Variants in NRP2 observed in about 807,000 individuals in gnomAD.
NRP2 encodes the protein neuropilin-2.
In NRP2, 52 loss-of-function variants were observed where a neutral mutation model predicts 110.4. The ratio of observed to expected loss-of-function variants is 0.47; its 90% CI spans 0.38 to 0.59. The LOEUF (loss-of-function observed/expected upper bound fraction) is 0.59, where lower values mean the gene tolerates loss of function less well. Ranked by LOEUF, NRP2 falls within the 20% of genes least tolerant of loss-of-function variation. The probability of loss-of-function intolerance (pLI) is 0.00; values close to 1 mark genes in which losing one functional copy is unlikely to be tolerated. For missense variants in NRP2, 1,049 were observed against 1,203.0 expected (o/e 0.87, Z 1.89); for synonymous variants, 508 against 468.9 (o/e 1.08, Z -1.08).
intron 1 of NRP2, among the ~76,000 whole-genome samples, chr2:205,687,400 T>C (rs1054017320): frequency 6.6e-6 from 1 of 150,768 alleles, no homozygotes; most frequent in African/African-American, 2.4e-5. Context: ...GCTCTAGGGA[T>C]TGGTCTCATG....
At position 205,752,866 on chromosome 2, in the gene NRP2, T is replaced by C. The variant is rs760113411; in HGVS notation, c.1935T>C (p.Asn645=). 80 of 1,614,100 alleles carry C rather than the reference T, an allele frequency of 5.0e-5. No individual in the cohort carries two copies. Among genetic ancestry groups the C allele is most frequent in the Non-Finnish European group, 6.4e-5 (76 of 1,180,046 alleles). Residue 645 remains asparagine, a synonymous_variant, in exon 12 of 17, where the codon AAT becomes AAC. Transcript: ENST00000357785. ...DKDLQLPSGF[N]CNFDFLEEPC... ...ATTTGCAGCTCCCTTCGGGATTCAA[T>C]TGCAACTTCGATTTCCTCGAGGAGC...
intron 15 of NRP2, among the ~76,000 whole-genome samples, chr2:205,787,877 C>T (rs902963264): frequency 6.6e-6 from 1 of 151,966 alleles, no homozygotes; most frequent in Non-Finnish European, 1.5e-5. Flanking sequence ...GGGGGTGTTT[C>T]CCCTGAGCAG....
At chr2:205,693,335 C>T (rs1054665218) in intron 1 of NRP2, among the ~76,000 whole-genome samples, 2 of 151,966 alleles carry the variant, frequency 1.3e-5, no homozygotes, top group Non-Finnish European at 2.9e-5. Context: ...TGGAGATGCC[C>T]CATTTAGAGG....
rs2058342721 is a variant in NRP2, at chr2:205,795,333, G to A, written c.*275G>A. ...CAAAACAGGAGCTCATCTCTTTGGG[G>A]TCACAGTTCTATTTTGTTTGTGAGT... On this transcript the variant is annotated 3_prime_UTR_variant, in exon 17 of 17. Transcript: ENST00000357785. 2.9e-6 allele frequency: 1 copy of A among 350,016 alleles called. No individual in the cohort carries two copies. The allele number at this position is 350,016 out of a possible 1,614,324, so 21.7% of individuals were successfully genotyped here.
intron 15 of NRP2, among the ~76,000 whole-genome samples, chr2:205,783,770 C>G (rs190519607): frequency 6.6e-6 from 1 of 152,352 alleles, no homozygotes; most frequent in Admixed American, 6.5e-5. Context: ...CCATTTCTAG[C>G]AAAAGCACTG....
Position 205,682,935 on chromosome 2 carries a change from T to C in NRP2, c.-356T>C, listed in dbSNP as rs1297493318. On this transcript the variant is annotated 5_prime_UTR_variant, in exon 1 of 17. Transcript: ENST00000357785. This position sits in a 1 kb window ranked among gnomAD's most constrained non-coding sequence, Gnocchi z 4.3. ...GTCTTGGTTTTAATTATTATTATTA[T>C]CATTATTGTTACGCTTGGCTTTCGG... 3.9e-6 allele frequency: 1 copy of C among 254,588 alleles called. No homozygotes were observed. Among genetic ancestry groups the C allele is most frequent in the African/African-American group, 2.3e-5 (1 of 44,344 alleles). 15.8% of individuals were successfully genotyped at this position (254,588 alleles called of 1,614,324 possible). A position where few individuals can be genotyped will look rare whatever the true frequency, so the allele number is the denominator to read the frequency against.
Position 205,691,160 on chromosome 2 carries a change from G to A in NRP2, c.74-6384G>A, listed in dbSNP as rs11886280. On this transcript the variant is annotated intron_variant, in intron 1 of 16. Coordinates refer to ENST00000357785, the MANE Select transcript of NRP2 (RefSeq NM_003872.3). The stretch of plus-strand genomic sequence containing the variant: ...GTTTGATCCTGTAAGACTTGCCAAA[G>A]ATGGATCAGCAAGGAGTCATGACCT... 3.4e-3 allele frequency among the ~76,000 whole-genome samples: 511 copies of A among 152,330 alleles called. 5 individuals are homozygous for A. Among genetic ancestry groups the A allele is most frequent in the African/African-American group, 0.012 (481 of 41,566 alleles).
chr2:205,749,624 C>T, intron 10 of NRP2, 101 bp from the exon 11 acceptor site: 1 of 922,674 alleles, frequency 1.1e-6, no homozygotes, highest in Admixed American at 1.7e-5. Context: ...CACATGTGTG[C>T]ATCTTCTTTC....
chr2:205,710,844 A>G (rs1017879912), intron 2 of NRP2, among the ~76,000 whole-genome samples: 5 of 152,220 alleles, frequency 3.3e-5, no homozygotes, highest in African/African-American at 1.2e-4. Flanking sequence ...GAGGTGATAA[A>G]TTCTCTGGCC....
chr2:205,776,859 C>A, intron 15 of NRP2: 1 of 1,249,270 alleles, frequency 8.0e-7, no homozygotes, highest in Non-Finnish European at 1.0e-6. Flanking sequence ...TGTTTTTTCC[C>A]CTTGCCTTAT....
At chr2:205,689,443 T>C (rs780285639) in intron 1 of NRP2, among the ~76,000 whole-genome samples, 30 of 152,382 alleles carry the variant, frequency 2.0e-4, no homozygotes, top group Admixed American at 7.8e-4. Context: ...AGTCACTGAA[T>C]CTTTAAAACT....
At chr2:205,718,010 C>G (rs981022268) in intron 3 of NRP2, among the ~76,000 whole-genome samples, 2 of 152,152 alleles carry the variant, frequency 1.3e-5, no homozygotes, top group Non-Finnish European at 2.9e-5. Context: ...AATGGGGGAG[C>G]AGTCAAGTGG....
intron 7 of NRP2, among the ~76,000 whole-genome samples, chr2:205,737,783 C>A (rs2057370228): frequency 6.6e-6 from 1 of 152,196 alleles, no homozygotes; most frequent in African/African-American, 2.4e-5. Flanking sequence ...TTGAAGCAGT[C>A]AGGTAGATGG....
chr2:205,789,219 G>A (rs979828746), intron 15 of NRP2, among the ~76,000 whole-genome samples: 1 of 152,144 alleles, frequency 6.6e-6, no homozygotes, highest in African/African-American at 2.4e-5. Context: ...ATGCAGACTG[G>A]GGATCCACCC....
chr2:205,734,232 CAT>C (rs904670709), intron 7 of NRP2, among the ~76,000 whole-genome samples: 10 of 152,024 alleles, frequency 6.6e-5, no homozygotes, highest in Non-Finnish European at 1.3e-4. Flanking sequence ...CACACACACA[CAT>C]GCCTCTAACT....
At chr2:205,745,438 G>A (rs2057521004) in intron 9 of NRP2, among the ~76,000 whole-genome samples, 1 of 152,176 alleles carries the variant, frequency 6.6e-6, no homozygotes. Context: ...AAACGCAGTT[G>A]GAGCCAAATT....
chr2:205,683,146 A>G lies in NRP2; in HGVS notation c.-145A>G. The G allele has an allele frequency of 1.5e-6, 1 of 655,898 alleles. No homozygotes were observed. The highest frequency in any genetic ancestry group is 2.8e-5 in the East Asian group (1 of 36,170). The allele number at this position is 655,898 out of a possible 1,614,324, so 40.6% of individuals were successfully genotyped here. On this transcript the variant is annotated 5_prime_UTR_variant, in exon 1 of 17. Transcript: ENST00000357785. ...TCCAGCAAGAATAGAGGTGAAGACA[A>G]GCCACCAGGACTCAGGAGGGAAACG...
At chr2:205,689,325 G>C (rs374547400) in intron 1 of NRP2, among the ~76,000 whole-genome samples, 1 of 152,216 alleles carries the variant, frequency 6.6e-6, no homozygotes, top group East Asian at 1.9e-4. Flanking sequence ...TATGTGCCTC[G>C]GTTTCCTTGT....
rs2057855683 is a variant in NRP2, at chr2:205,763,353, G to GA, written c.2045-319dup. On this transcript the variant is annotated intron_variant, in intron 12 of 16. Transcript: ENST00000357785. This position sits in a 1 kb window ranked among gnomAD's most constrained non-coding sequence, Gnocchi z 4.0. ...TCTGGCCTCTCAGAATCTAGAGGGA[G>GA]AAGAAGGGCACGCACACAACCAGCC... Among the ~76,000 whole-genome samples the GA allele has an allele frequency of 6.6e-6, 1 of 152,152 alleles. No individual in the cohort carries two copies. The highest frequency in any genetic ancestry group is 6.5e-5 in the Admixed American group (1 of 15,276).
Sources: allele counts gnomAD v4.1 joint callset (sites outside exome capture counted in the v4.1 genomes callset), GRCh38; gene constraint gnomAD v4.1.1; non-coding constraint Gnocchi (gnomAD v3.1); transcripts MANE v1.5; gene names NCBI Gene and HGNC (gene_info 2026-07-23, HGNC 2026-07-21).